The following ATOH8 variants were observed in gnomAD, a reference collection of about 807,000 sequenced individuals.
The protein encoded by ATOH8 is transcription factor ATOH8.
Under a neutral mutation model 21.2 loss-of-function variants are expected in ATOH8, and 9 were observed. That is an observed-to-expected ratio of 0.42 (90% confidence interval 0.26 to 0.74). The LOEUF is 0.74. ATOH8 is among the 30% of genes least tolerant of loss of function. The pLI, the probability that ATOH8 is intolerant of heterozygous loss-of-function variation, is 0.24. For missense variants in ATOH8, 524 were observed against 470.9 expected, an observed-to-expected ratio of 1.11 and a Z score of -1.04; for synonymous variants, 253 against 224.0, an observed-to-expected ratio of 1.13 and a Z score of -1.16.
chr2:85,775,618 G>A (rs1489059542), intron 2 of ATOH8, among the ~76,000 whole-genome samples: 1 of 152,102 alleles, frequency 6.6e-6, no homozygotes, highest in Non-Finnish European at 1.5e-5. Context: ...CCACAGCACC[G>A]AGCTTTTCAT....
chr2:85,770,672 T>C (rs1025972708), intron 2 of ATOH8, among the ~76,000 whole-genome samples: 3 of 152,208 alleles, frequency 2.0e-5, no homozygotes, highest in Non-Finnish European at 4.4e-5. Flanking sequence ...CCAGGTGAGC[T>C]GAGCTGGCTT....
intron 1 of ATOH8, among the ~76,000 whole-genome samples, chr2:85,762,136 TACTC>T (rs1297306675): frequency 1.3e-5 from 2 of 152,172 alleles, no homozygotes; most frequent in African/African-American, 4.8e-5. Context: ...TATCAGGCCT[TACTC>T]AATGCAATGC....
chr2:85,767,580 T>TCCTTCCCTCCCCTCCCCTCC (rs1558611972), intron 2 of ATOH8, among the ~76,000 whole-genome samples: 2 of 79,232 alleles, frequency 2.5e-5, no homozygotes, highest in African/African-American at 5.3e-5. Flanking sequence ...CCCTCCCCTC[T>TCCTTCCCTCCCCTCCCCTCC]CCTTCCCTTC....
chr2:85,755,528 A>T (rs1282339752), intron 1 of ATOH8, among the ~76,000 whole-genome samples: 4 of 152,170 alleles, frequency 2.6e-5, no homozygotes, highest in African/African-American at 9.7e-5. Flanking sequence ...GGGCTCAGGA[A>T]TCGGCTGGTG....
chr2:85,767,001 G>C (rs749286404), intron 2 of ATOH8, among the ~76,000 whole-genome samples: 3 of 152,138 alleles, frequency 2.0e-5, no homozygotes, highest in Non-Finnish European at 4.4e-5. Context: ...CCCAGGGGAG[G>C]GTACTTCCCT....
chr2:85,764,243 C>A, intron 2 of ATOH8, 61 bp downstream of exon 2: 2 of 1,591,048 alleles, frequency 1.3e-6, no homozygotes, highest in Non-Finnish European at 8.6e-7. Flanking sequence ...GGGACAGGAA[C>A]TTGGGGGTGC....
intron 2 of ATOH8, chr2:85,772,879 C>A: frequency 2.2e-6 from 1 of 449,582 alleles, no homozygotes; most frequent in South Asian, 1.6e-5. Context: ...TTTTCTTCCT[C>A]CTCTGCGAGC....
chr2:85,777,067 C>T (rs1239728994), intron 2 of ATOH8, among the ~76,000 whole-genome samples: 1 of 152,174 alleles, frequency 6.6e-6, no homozygotes, highest in Non-Finnish European at 1.5e-5. Context: ...AAGGGCCCTG[C>T]CCTGCACATC....
intron 2 of ATOH8, chr2:85,774,041 T>C: frequency 1.0e-6 from 1 of 960,070 alleles, no homozygotes; most frequent in South Asian, 4.8e-5. Context: ...TGATTAGTTA[T>C]CATGAAGCTA....
intron 1 of ATOH8, among the ~76,000 whole-genome samples, chr2:85,757,550 C>T (rs1266076762): frequency 1.3e-5 from 2 of 152,216 alleles, no homozygotes; most frequent in Non-Finnish European, 2.9e-5. Context: ...CTTCATTCTC[C>T]TGAGCAGCTT....
intron 1 of ATOH8, among the ~76,000 whole-genome samples, chr2:85,758,554 G>A (rs1333084444): frequency 1.3e-5 from 2 of 152,216 alleles, no homozygotes; most frequent in Non-Finnish European, 2.9e-5. Flanking sequence ...CTAATGTCCT[G>A]GAGCCATCTA....
chr2:85,787,044 C>T lies in ATOH8; in HGVS notation c.*154C>T, dbSNP rs1293697358. ...CTCTCAGGGTCGGATCGGAGCACGC[C>T]TGCCTCCCTCTCCCCTCCGCCCTCA... On this transcript the variant is annotated 3_prime_UTR_variant, in exon 3 of 3. Coordinates refer to ENST00000306279, the MANE Select transcript of ATOH8 (RefSeq NM_032827.7). The T allele has an allele frequency of 3.3e-6, 3 of 921,698 alleles. No homozygotes were observed. Among genetic ancestry groups the T allele is most frequent in the East Asian group, 2.7e-5 (1 of 37,470 alleles). 57.1% of individuals were successfully genotyped at this position (921,698 alleles called of 1,614,324 possible).
At chr2:85,772,563 G>C (rs750123334) in intron 2 of ATOH8, 11 of 382,350 alleles carry the variant, frequency 2.9e-5, no homozygotes, top group Non-Finnish European at 5.6e-5. Context: ...CCGGCCCTCT[G>C]CTGGCACATT....
At position 85,788,300 on chromosome 2, in the gene ATOH8, C is replaced by T. The variant is rs77880712; in HGVS notation, c.*1410C>T. Among the ~76,000 whole-genome samples, 1 of 152,084 alleles carries T rather than the reference C, an allele frequency of 6.6e-6. No homozygotes were observed. Among genetic ancestry groups the T allele is most frequent in the African/African-American group, 2.4e-5 (1 of 41,408 alleles). On this transcript the variant is annotated 3_prime_UTR_variant, in exon 3 of 3. Transcript: ENST00000306279. Reference sequence around the variant, plus strand: ...TGGTCAGGAACACATGAGGAGCCCTCTCTGTCCGCACTGCACTCAATCTGT... The same window carrying T: ...TGGTCAGGAACACATGAGGAGCCCTTTCTGTCCGCACTGCACTCAATCTGT...
At chr2:85,776,441 A>G (rs945774737) in intron 2 of ATOH8, among the ~76,000 whole-genome samples, 1 of 152,240 alleles carries the variant, frequency 6.6e-6, no homozygotes, top group African/African-American at 2.4e-5. Flanking sequence ...CATTTTGTCA[A>G]CTGGAGGCAC....
In ATOH8 at chr2:85,788,412, G is replaced by A. The variant is rs768581155; in HGVS notation, c.*1522G>A. On this transcript the variant is annotated 3_prime_UTR_variant, in exon 3 of 3. Coordinates refer to ENST00000306279, the MANE Select transcript of ATOH8 (RefSeq NM_032827.7). ...AGGCCTCAAGTAGACAGGGTCAGTC[G>A]GTGACAGAGCCAGTCATCGAATCAG... 6.6e-6 allele frequency among the ~76,000 whole-genome samples: 1 copy of A among 152,080 alleles called. No homozygotes were observed. Among genetic ancestry groups the A allele is most frequent in the Non-Finnish European group, 1.5e-5 (1 of 68,024 alleles).
chr2:85,775,044 GT>G (rs1188654237), intron 2 of ATOH8: 20 of 983,730 alleles, frequency 2.0e-5, no homozygotes, highest in Admixed American at 1.8e-4. Flanking sequence ...GAGTTAAAAT[GT>G]TAGACAATAT....
chr2:85,767,580 T>TCCCCTTCCCTCCCCTCCCCTCC (rs1680052547), intron 2 of ATOH8, among the ~76,000 whole-genome samples: 1 of 79,290 alleles, frequency 1.3e-5, no homozygotes, highest in African/African-American at 5.2e-5. Context: ...CCCTCCCCTC[T>TCCCCTTCCCTCCCCTCCCCTCC]CCTTCCCTTC....
chr2:85,773,000 G>A, intron 2 of ATOH8: 1 of 366,528 alleles, frequency 2.7e-6, no homozygotes, highest in South Asian at 2.1e-5. Flanking sequence ...CAGCTGGAGG[G>A]GACATGGGAG....
Sources: gnomAD v4.1 joint callset for allele counts (sites outside exome capture counted in the v4.1 genomes callset) on GRCh38, gnomAD v4.1.1 for gene constraint, MANE v1.5 for transcripts, NCBI Gene and HGNC (gene_info 2026-07-23, HGNC 2026-07-21) for gene names.